GNA11: variants seen among roughly 807,000 people sequenced by gnomAD.
The protein encoded by GNA11 is guanine nucleotide-binding protein subunit alpha-11.
Under a neutral mutation model 38.2 loss-of-function variants are expected in GNA11, and 8 were observed. The ratio of observed to expected loss-of-function variants is 0.21; its 90% CI spans 0.12 to 0.38. GNA11 has a LOEUF of 0.38. GNA11 is among the 10% of genes least tolerant of loss of function. The probability of loss-of-function intolerance (pLI) is 1.00; values close to 1 mark genes in which losing one functional copy is unlikely to be tolerated. For missense variants in GNA11, 268 were observed against 516.3 expected, an observed-to-expected ratio of 0.52 and a Z score of 4.66; for synonymous variants, 211 against 221.4, an observed-to-expected ratio of 0.95 and a Z score of 0.42.
chr19:3,114,969 G>A lies in GNA11; in HGVS notation c.502G>A (p.Ala168Thr), dbSNP rs1913871940. ...CTACCTGACCGACGTTGACCGCATC[G>A]CCACCTTGGGCTACCTGCCCACCCA... Reference protein sequence around the residue: ...KYYLTDVDRIATLGYLPTQQD... With the variant: ...KYYLTDVDRITTLGYLPTQQD... Residue 168 changes from alanine (A) to threonine (T), a missense_variant, in exon 4 of 7, where the codon GCC (alanine) becomes ACC (threonine). Ala to Thr is a moderately conservative substitution (Grantham distance 58). This residue lies in a region of GNA11 where 151 missense variants were observed against 254.0 expected (regional missense o/e 0.59). Coordinates refer to ENST00000078429, the MANE Select transcript of GNA11 (RefSeq NM_002067.5). 6 of 1,612,544 alleles carry A rather than the reference G, an allele frequency of 3.7e-6. No individual in the cohort carries two copies. The highest frequency in any genetic ancestry group is 2.7e-5 in the African/African-American group (2 of 75,048).
intron 1 of GNA11, among the ~76,000 whole-genome samples, chr19:3,106,264 A>G (rs2145311844): frequency 6.6e-6 from 1 of 152,260 alleles, no homozygotes; most frequent in African/African-American, 2.4e-5. Flanking sequence ...AGGCATTCAG[A>G]CATTGGGTCC....
At chr19:3,114,485 G>A (rs111675141) in intron 3 of GNA11, among the ~76,000 whole-genome samples, 141 of 152,268 alleles carry the variant, frequency 9.3e-4, no homozygotes, top group Non-Finnish European at 1.2e-3. Flanking sequence ...GCAGGGAGAC[G>A]GGCACGGGGA....
At chr19:3,113,760 GGCC>G (rs1913839509) in intron 3 of GNA11, among the ~76,000 whole-genome samples, 1 of 152,180 alleles carries the variant, frequency 6.6e-6, no homozygotes, top group Non-Finnish European at 1.5e-5. Flanking sequence ...GTGAGCTCCT[GGCC>G]ACCCTCGGTG....
Position 3,110,322 on chromosome 19 carries a change from G to A in GNA11, c.310G>A (p.Glu104Lys), listed in dbSNP as rs1913740780. 6.2e-7 allele frequency: 1 copy of A among 1,613,544 alleles called. No homozygotes were observed. Among genetic ancestry groups the A allele is most frequent in the Non-Finnish European group, 8.5e-7 (1 of 1,179,648 alleles). Residue 104 changes from glutamate (E) to lysine (K), a missense_variant, in exon 2 of 7, where the codon GAG (glutamate) becomes AAG (lysine). Glu to Lys is a moderately conservative substitution (Grantham distance 56). Coordinates refer to ENST00000078429, the MANE Select transcript of GNA11 (RefSeq NM_002067.5). The surrounding 1 kb of genome is among the most constrained non-coding windows in gnomAD (Gnocchi z 5.4). ...GACGCTCAAGATCCTCTACAAGTAC[G>A]AGCAGAACAAGGTGAGCCCGCGGGC... Reference protein sequence around the residue: ...METLKILYKYEQNKANALLIR... With the variant: ...METLKILYKYKQNKANALLIR...
rs958483574 is a variant in GNA11, at chr19:3,122,702, G to C, written c.*1523G>C. The C allele has an allele frequency of 4.3e-6, 1 of 233,422 alleles. No homozygotes were observed. Among genetic ancestry groups the C allele is most frequent in the Non-Finnish European group, 8.5e-6 (1 of 118,272 alleles). The allele number at this position is 233,422 out of a possible 1,614,324, so 14.5% of individuals were successfully genotyped here. A position where few individuals can be genotyped will look rare whatever the true frequency, so the allele number is the denominator to read the frequency against. ...CCGCCGCCACACCGGGACCCTGCAC[G>C]GCTGCTTCTGGCCTCGACAGATGAC... On this transcript the variant is annotated 3_prime_UTR_variant, in exon 7 of 7. Transcript: ENST00000078429. This position sits in a 1 kb window ranked among gnomAD's most constrained non-coding sequence, Gnocchi z 7.7.
At chr19:3,095,938 G>C (rs547298210) in intron 1 of GNA11, among the ~76,000 whole-genome samples, 2 of 152,246 alleles carry the variant, frequency 1.3e-5, no homozygotes, top group East Asian at 3.9e-4. Context: ...CTCCAAATAA[G>C]GGCCCCTTCA....
chr19:3,094,750 G>A lies in GNA11; in HGVS notation c.99G>A (p.Lys33=), dbSNP rs1205089245. The change falls in exon 1 of 7, where the codon AAG becomes AAA. Residue 33 remains lysine (K), a synonymous_variant. Transcript: ENST00000078429. This position sits in a 1 kb window ranked among gnomAD's most constrained non-coding sequence, Gnocchi z 6.0. ...TCGAGAAGCAGCTGCGGCGGGACAA[G>A]CGCGACGCCCGGCGCGAGCTCAAGC... ...AEIEKQLRRD[K]RDARRELKLL... 2 of 1,589,910 alleles carry A rather than the reference G, an allele frequency of 1.3e-6. No individual in the cohort carries two copies. The highest frequency in any genetic ancestry group is 1.7e-5 in the Admixed American group (1 of 58,318).
chr19:3,109,656 G>A (rs1005286642), intron 1 of GNA11, among the ~76,000 whole-genome samples: 1 of 152,192 alleles, frequency 6.6e-6, no homozygotes, highest in Non-Finnish European at 1.5e-5. Context: ...GCAAAGCTCT[G>A]GGGAAGGGGG....
chr19:3,108,270 A>C lies in GNA11; in HGVS notation c.137-1879A>C, dbSNP rs1188960244. ...GCTGCCAGGTGAGGGGTCCTGCGAC[A>C]GGCACCTGTGCAAAGATATCTACCA... On this transcript the variant is annotated intron_variant, in intron 1 of 6. Coordinates refer to ENST00000078429, the MANE Select transcript of GNA11 (RefSeq NM_002067.5). This position sits in a 1 kb window ranked among gnomAD's most constrained non-coding sequence, Gnocchi z 4.5. Among the ~76,000 whole-genome samples, 1 of 152,218 alleles carries C rather than the reference A, an allele frequency of 6.6e-6. No homozygotes were observed. The highest frequency in any genetic ancestry group is 1.9e-4 in the East Asian group (1 of 5,196).
intron 3 of GNA11, among the ~76,000 whole-genome samples, chr19:3,114,566 C>A (rs1913858197): frequency 6.6e-6 from 1 of 152,146 alleles, no homozygotes; most frequent in Non-Finnish European, 1.5e-5. Context: ...AAGCCTCATC[C>A]CTGGGGCCAG....
chr19:3,096,344 C>T (rs891921696), intron 1 of GNA11, among the ~76,000 whole-genome samples: 1 of 152,156 alleles, frequency 6.6e-6, no homozygotes, highest in Non-Finnish European at 1.5e-5. Flanking sequence ...GTGCGGCCCG[C>T]GTGGTGGCAC....
intron 1 of GNA11, among the ~76,000 whole-genome samples, chr19:3,097,729 G>A (rs908119726): frequency 2.8e-5 from 4 of 145,398 alleles, no homozygotes; most frequent in African/African-American, 5.0e-5. Flanking sequence ...CGCCTCTCCC[G>A]CGGCGGCTAA....
intron 4 of GNA11, among the ~76,000 whole-genome samples, chr19:3,115,785 AGGGGG>A (rs35481055): frequency 1.9e-4 from 1 of 5,212 alleles, no homozygotes; most frequent in Non-Finnish European, 3.4e-4. Flanking sequence ...CTGTGAGGGG[AGGGGG>A]GGGGTCACGG....
chr19:3,094,905 G>A lies in GNA11; in HGVS notation c.136+118G>A. The A allele has an allele frequency of 1.5e-6, 1 of 681,438 alleles. No homozygotes were observed. Among genetic ancestry groups the A allele is most frequent in the Non-Finnish European group, 2.2e-6 (1 of 459,946 alleles). The allele number at this position is 681,438 out of a possible 1,614,324, so 42.2% of individuals were successfully genotyped here. A position where few individuals can be genotyped will look rare whatever the true frequency, so the allele number is the denominator to read the frequency against. ...GCCCTGCCTGTGCCGTCCGGGTCGCGAGACCCTCCGGGGTCAGCCCTGCCT... is the reference window on the plus strand; with the variant it reads ...GCCCTGCCTGTGCCGTCCGGGTCGCAAGACCCTCCGGGGTCAGCCCTGCCT... On this transcript the variant is annotated intron_variant, in intron 1 of 6. Coordinates refer to ENST00000078429, the MANE Select transcript of GNA11 (RefSeq NM_002067.5). This position sits in a 1 kb window ranked among gnomAD's most constrained non-coding sequence, Gnocchi z 6.0.
In GNA11 at chr19:3,123,137, T is replaced by A. The variant is rs913901639; in HGVS notation, c.*1958T>A. The A allele has an allele frequency of 4.3e-6, 1 of 233,256 alleles. No homozygotes were observed. Among genetic ancestry groups the A allele is most frequent in the South Asian group, 1.8e-4 (1 of 5,536 alleles). The allele number at this position is 233,256 out of a possible 1,614,324, so 14.4% of individuals were successfully genotyped here. A position where few individuals can be genotyped will look rare whatever the true frequency, so the allele number is the denominator to read the frequency against. On this transcript the variant is annotated 3_prime_UTR_variant, in exon 7 of 7. Coordinates refer to ENST00000078429, the MANE Select transcript of GNA11 (RefSeq NM_002067.5). ...AACCTTTTCCAGCAGCGGAGCCCTC[T>A]GGGGGGCCTGTGCTTGTGGCATCTC...
chr19:3,099,335 T>C (rs1408350924), intron 1 of GNA11, among the ~76,000 whole-genome samples: 1 of 152,194 alleles, frequency 6.6e-6, no homozygotes, highest in African/African-American at 2.4e-5. Flanking sequence ...GGAAGCCTTG[T>C]ATGGCTTGCC....
chr19:3,111,162 C>T (rs115386985), intron 2 of GNA11, among the ~76,000 whole-genome samples: 5,888 of 151,974 alleles, frequency 0.039, 373 homozygotes, highest in African/African-American at 0.13. Flanking sequence ...TTTTAAATCA[C>T]AGCTTTATTG....
At chr19:3,115,315 G>T in intron 4 of GNA11, 2 of 440,432 alleles carry the variant, frequency 4.5e-6, no homozygotes, top group Admixed American at 4.1e-5. Flanking sequence ...TGAGGCAGGA[G>T]GATCGCTCAA....
Position 3,119,295 on chromosome 19 carries a change from G to A in GNA11, c.825G>A (p.Lys275=). The change falls in exon 6 of 7, where the codon AAG becomes AAA. Residue 275 remains lysine (K), a synonymous_variant. Coordinates refer to ENST00000078429, the MANE Select transcript of GNA11 (RefSeq NM_002067.5). The surrounding 1 kb of genome is among the most constrained non-coding windows in gnomAD (Gnocchi z 4.6). ...CCTCCGTCATCCTCTTCCTCAACAAGAAGGACCTGCTGGAGGACAAGATCC... is the reference window on the plus strand; with the variant it reads ...CCTCCGTCATCCTCTTCCTCAACAAAAAGGACCTGCTGGAGGACAAGATCC... The part of the protein sequence containing the change: ...QNSSVILFLN[K]KDLLEDKILY... 6.2e-7 allele frequency: 1 copy of A among 1,613,926 alleles called. No homozygotes were observed. The highest frequency in any genetic ancestry group is 1.1e-5 in the South Asian group (1 of 91,082).
Sources: allele counts gnomAD v4.1 joint callset (sites outside exome capture counted in the v4.1 genomes callset), GRCh38; gene constraint gnomAD v4.1.1; regional missense constraint gnomAD v4.1.1; non-coding constraint Gnocchi (gnomAD v3.1); transcripts MANE v1.5; gene names NCBI Gene and HGNC (gene_info 2026-07-23, HGNC 2026-07-21).